Variants in LY86 observed in about 807,000 individuals in gnomAD.
The protein encoded by LY86 is MD-1, RP105-associated.
LY86 carries 20 observed loss-of-function variants against 17.3 expected under a neutral mutation model. The observed-to-expected ratio is 1.15, with a 90% CI of 0.81 to 1.68. The LOEUF (loss-of-function observed/expected upper bound fraction) is 1.68. LY86 is among the 40% of genes most tolerant of loss of function. The pLI, the probability that LY86 is intolerant of heterozygous loss-of-function variation, is 0.00. For missense variants in LY86, 200 were observed against 191.9 expected, an observed-to-expected ratio of 1.04 and a Z score of -0.25; for synonymous variants, 74 against 70.6, an observed-to-expected ratio of 1.05 and a Z score of -0.24.
chr6:6,590,195 T>G (rs1202464348), intron 1 of LY86, among the ~76,000 whole-genome samples: 1 of 149,102 alleles, frequency 6.7e-6, no homozygotes, highest in African/African-American at 2.5e-5. Context: ...CCCCCCCCAG[T>G]CTGCTAGGAA....
chr6:6,614,972 T>G (rs959124154), intron 1 of LY86, among the ~76,000 whole-genome samples: 1 of 152,220 alleles, frequency 6.6e-6, no homozygotes, highest in Non-Finnish European at 1.5e-5. Context: ...CGGAGGCGGC[T>G]GCCTCTTAAC....
intron 1 of LY86, among the ~76,000 whole-genome samples, chr6:6,610,883 ACT>A (rs1236067805): frequency 3.3e-5 from 5 of 152,080 alleles, no homozygotes; most frequent in South Asian, 4.1e-4. Context: ...GACGGTGGAA[ACT>A]CTTTCTGACC....
chr6:6,621,945 G>A (rs976293249), intron 1 of LY86, among the ~76,000 whole-genome samples: 1 of 151,904 alleles, frequency 6.6e-6, no homozygotes, highest in Admixed American at 6.6e-5. Context: ...AAGGATATGA[G>A]TTTGAGAGGG....
chr6:6,589,722 C>A (rs13437597), intron 1 of LY86, among the ~76,000 whole-genome samples: 22 of 152,200 alleles, frequency 1.4e-4, no homozygotes, highest in African/African-American at 5.3e-4. Context: ...TGTGCTCTTC[C>A]CTCTGTGTAC....
chr6:6,618,869 A>G (rs2113131629), intron 1 of LY86, among the ~76,000 whole-genome samples: 1 of 152,358 alleles, frequency 6.6e-6, no homozygotes, highest in Admixed American at 6.5e-5. Flanking sequence ...AGGACATAAT[A>G]GAAAACCACA....
intron 1 of LY86, among the ~76,000 whole-genome samples, chr6:6,608,837 G>A (rs1370609030): frequency 6.6e-6 from 1 of 152,218 alleles, no homozygotes; most frequent in Non-Finnish European, 1.5e-5. Flanking sequence ...GGGAAGGACG[G>A]CTGTGATTGT....
At chr6:6,621,458 G>A (rs928927266) in intron 1 of LY86, 1 of 152,208 alleles carries the variant, frequency 6.6e-6, no homozygotes, top group Non-Finnish European at 1.5e-5. Context: ...GCATTTGCAG[G>A]ATAGGTAAAG....
chr6:6,647,395 A>G (rs1459570500), intron 3 of LY86, among the ~76,000 whole-genome samples: 10 of 152,048 alleles, frequency 6.6e-5, no homozygotes, highest in Admixed American at 4.6e-4. Context: ...ACTCTCCTTC[A>G]GTTATCTTTT....
intron 1 of LY86, among the ~76,000 whole-genome samples, chr6:6,623,139 T>C (rs1761716684): frequency 6.6e-6 from 1 of 152,156 alleles, no homozygotes; most frequent in Admixed American, 6.5e-5. Flanking sequence ...AGAGAGAATT[T>C]GATATAGGAA....
At chr6:6,643,025 G>T (rs1333268642) in intron 3 of LY86, among the ~76,000 whole-genome samples, 1 of 152,216 alleles carries the variant, frequency 6.6e-6, no homozygotes, top group African/African-American at 2.4e-5. Flanking sequence ...GGAGGGGAGA[G>T]TGAGGGCTGC....
intron 1 of LY86, among the ~76,000 whole-genome samples, chr6:6,616,814 G>C (rs1340376998): frequency 1.3e-5 from 2 of 152,242 alleles, no homozygotes; most frequent in African/African-American, 4.8e-5. Flanking sequence ...CTTTGCAGCT[G>C]TGCAGTCACG....
At chr6:6,609,836 C>T (rs1262493587) in intron 1 of LY86, among the ~76,000 whole-genome samples, 1 of 150,568 alleles carries the variant, frequency 6.6e-6, no homozygotes, top group Non-Finnish European at 1.5e-5. Context: ...TATTGTGTGT[C>T]CATTAAAATT....
intron 1 of LY86, among the ~76,000 whole-genome samples, chr6:6,603,608 A>AAAC (rs1561778017): frequency 1.2e-4 from 12 of 101,394 alleles, no homozygotes; most frequent in East Asian, 5.6e-4. Context: ...AGAAACAGAA[A>AAAC]AAAAAACAAA....
intron 1 of LY86, among the ~76,000 whole-genome samples, chr6:6,594,011 G>A (rs1202806353): frequency 6.6e-6 from 1 of 152,198 alleles, no homozygotes; most frequent in Non-Finnish European, 1.5e-5. Context: ...CATAAATATT[G>A]TTGCCATTGT....
chr6:6,595,306 A>G (rs939930684), intron 1 of LY86, among the ~76,000 whole-genome samples: 1 of 149,128 alleles, frequency 6.7e-6, no homozygotes. Flanking sequence ...GAGGAGAAGG[A>G]GGAGGAGGTG....
Position 6,635,398 on chromosome 6 carries a change from G to C in LY86, c.352+8977G>C, listed in dbSNP as rs1186955259. ...AATTTACTGTAATAAAAATATGTGA[G>C]TATGGTCCCTCTTTCTCTTCCTCTC... On this transcript the variant is annotated intron_variant, in intron 3 of 4. Coordinates refer to ENST00000230568, the MANE Select transcript of LY86 (RefSeq NM_004271.4). Among the ~76,000 whole-genome samples the C allele has an allele frequency of 3.9e-5, 6 of 152,080 alleles. 1 individual carries two copies. Among genetic ancestry groups the C allele is most frequent in the Admixed American group, 3.9e-4 (6 of 15,270 alleles).
At chr6:6,634,068 A>G (rs1017343681) in intron 3 of LY86, among the ~76,000 whole-genome samples, 1 of 152,250 alleles carries the variant, frequency 6.6e-6, no homozygotes, top group Non-Finnish European at 1.5e-5. Flanking sequence ...AGAGAGGTGC[A>G]GAAGATAATG....
At chr6:6,612,572 G>A (rs140623548) in intron 1 of LY86, among the ~76,000 whole-genome samples, 1 of 151,506 alleles carries the variant, frequency 6.6e-6, no homozygotes, top group Non-Finnish European at 1.5e-5. Context: ...CACTAGTGGA[G>A]CCTGCAGCCT....
intron 1 of LY86, among the ~76,000 whole-genome samples, chr6:6,599,058 G>A (rs900147164): frequency 1.3e-5 from 2 of 152,032 alleles, no homozygotes; most frequent in African/African-American, 4.8e-5. Context: ...ACAACTCTTT[G>A]TCCTTACTCC....
Sources: gnomAD v4.1 joint callset for allele counts (sites outside exome capture counted in the v4.1 genomes callset) on GRCh38, gnomAD v4.1.1 for gene constraint, MANE v1.5 for transcripts, NCBI Gene and HGNC (gene_info 2026-07-23, HGNC 2026-07-21) for gene names.